Variants in CPQ observed in about 807,000 individuals in gnomAD.
The protein encoded by CPQ is Ser-Met dipeptidase.
A neutral mutation model predicts 45.7 loss-of-function variants in CPQ; 37 were observed. The observed-to-expected ratio is 0.81, with a 90% CI of 0.62 to 1.07. CPQ has a LOEUF of 1.07. Ranked by LOEUF, CPQ falls within the 50% of genes least tolerant of loss-of-function variation. The probability of loss-of-function intolerance (pLI) is 0.00; values close to 1 mark genes in which losing one functional copy is unlikely to be tolerated. For synonymous variants in CPQ, 186 were observed against 205.8 expected (o/e 0.90, Z 0.82); for missense variants, 537 against 572.9 (o/e 0.94, Z 0.64).
intron 1 of CPQ, among the ~76,000 whole-genome samples, chr8:96,701,126 T>C (rs762982313): frequency 2.6e-5 from 4 of 152,202 alleles, no homozygotes; most frequent in Middle Eastern, 3.2e-3. Context: ...ATATACAATA[T>C]AGTGGAAAGA....
At chr8:96,990,410 G>A (rs1245601316) in intron 5 of CPQ, among the ~76,000 whole-genome samples, 3 of 152,148 alleles carry the variant, frequency 2.0e-5, no homozygotes, top group Admixed American at 2.0e-4. Context: ...AATAACACCT[G>A]CTCTAAATCT....
chr8:96,742,425 A>G (rs150273131), intron 1 of CPQ, among the ~76,000 whole-genome samples: 5,013 of 152,170 alleles, frequency 0.033, 296 homozygotes, highest in African/African-American at 0.11. Flanking sequence ...TTGACTCTTT[A>G]TCCAATTTGC....
intron 6 of CPQ, among the ~76,000 whole-genome samples, chr8:97,046,606 G>C (rs943100815): frequency 6.6e-6 from 1 of 152,096 alleles, no homozygotes; most frequent in African/African-American, 2.4e-5. Context: ...TTGCTTTTAT[G>C]GATTCCTATA....
At chr8:96,878,962 G>A (rs1812184088) in intron 3 of CPQ, among the ~76,000 whole-genome samples, 1 of 152,204 alleles carries the variant, frequency 6.6e-6, no homozygotes, top group Non-Finnish European at 1.5e-5. Context: ...CTGTGGTGTG[G>A]GAGGGTTAGG....
intron 7 of CPQ, among the ~76,000 whole-genome samples, chr8:97,131,899 C>G (rs563130866): frequency 6.6e-6 from 1 of 152,094 alleles, no homozygotes; most frequent in East Asian, 1.9e-4. Flanking sequence ...AGAGAAACAC[C>G]TGTTGCTTCT....
chr8:97,024,711 C>T (rs1809768620), intron 5 of CPQ, among the ~76,000 whole-genome samples: 1 of 152,148 alleles, frequency 6.6e-6, no homozygotes, highest in South Asian at 2.1e-4. Flanking sequence ...GCTTTACTAC[C>T]TCTTGTCATT....
chr8:97,122,351 A>G (rs749928437), intron 7 of CPQ, among the ~76,000 whole-genome samples: 4 of 152,184 alleles, frequency 2.6e-5, no homozygotes, highest in Non-Finnish European at 4.4e-5. Flanking sequence ...AGAAAATGCA[A>G]TGTCTTGTAG....
chr8:96,977,590 A>G (rs1462101604), intron 5 of CPQ, among the ~76,000 whole-genome samples: 1 of 152,212 alleles, frequency 6.6e-6, no homozygotes, highest in Non-Finnish European at 1.5e-5. Flanking sequence ...AAGCAGCCCA[A>G]ATGACCATCA....
intron 5 of CPQ, among the ~76,000 whole-genome samples, chr8:97,028,672 A>G (rs1031040297): frequency 6.6e-6 from 1 of 152,316 alleles, no homozygotes; most frequent in African/African-American, 2.4e-5. Context: ...TGACATTGTC[A>G]GCCAAAAATG....
At chr8:96,953,768 T>C (rs1186149216) in intron 4 of CPQ, among the ~76,000 whole-genome samples, 1 of 152,144 alleles carries the variant, frequency 6.6e-6, no homozygotes, top group East Asian at 1.9e-4. Context: ...TAGCTCAATA[T>C]GCTTGTGGCC....
chr8:96,878,464 A>T (rs575253613), intron 3 of CPQ, among the ~76,000 whole-genome samples: 1 of 152,328 alleles, frequency 6.6e-6, no homozygotes, highest in South Asian at 2.1e-4. Context: ...ACTCTATGAA[A>T]TGGTATTATT....
chr8:96,807,575 C>T (rs1418704674), intron 2 of CPQ, among the ~76,000 whole-genome samples: 1 of 152,158 alleles, frequency 6.6e-6, no homozygotes, highest in Admixed American at 6.5e-5. Flanking sequence ...TCATGACAGC[C>T]GGTGATATAG....
intron 6 of CPQ, among the ~76,000 whole-genome samples, chr8:97,057,972 C>T (rs1352411221): frequency 6.6e-6 from 1 of 152,084 alleles, no homozygotes; most frequent in Non-Finnish European, 1.5e-5. Flanking sequence ...GGTTTCAAAC[C>T]TGCTAATTTT....
At chr8:96,811,942 G>A (rs1348604684) in intron 2 of CPQ, among the ~76,000 whole-genome samples, 1 of 152,086 alleles carries the variant, frequency 6.6e-6, no homozygotes, top group Non-Finnish European at 1.5e-5. Context: ...TAAACCAAAT[G>A]TTTGTTTATG....
chr8:97,038,091 G>T (rs1343079282), intron 6 of CPQ, among the ~76,000 whole-genome samples: 37 of 152,178 alleles, frequency 2.4e-4, no homozygotes, highest in Admixed American at 2.4e-3. Flanking sequence ...AATGCCTTAT[G>T]GTTTCAGATT....
At position 96,714,148 on chromosome 8, in the gene CPQ, G is replaced by T. The variant is rs373376835; in HGVS notation, c.-35+68746G>T. On this transcript the variant is annotated intron_variant, in intron 1 of 7. Transcript: ENST00000220763. ...CCTTTTTTCAGTGACTCTCTTAGGA[G>T]TTCTTTGAGATTCTTGTATTTGGAT... Among the ~76,000 whole-genome samples the T allele has an allele frequency of 7.9e-5, 12 of 152,260 alleles. No individual in the cohort carries two copies. The East Asian group carries it at 2.3e-3, about 29-fold the overall frequency.
chr8:97,065,167 G>A (rs1810616230), intron 6 of CPQ, among the ~76,000 whole-genome samples: 1 of 152,108 alleles, frequency 6.6e-6, no homozygotes, highest in Non-Finnish European at 1.5e-5. Context: ...TGAAGATGTG[G>A]TTGGCTCCTG....
intron 1 of CPQ, among the ~76,000 whole-genome samples, chr8:96,731,847 C>T (rs554064314): frequency 1.3e-5 from 2 of 151,844 alleles, no homozygotes; most frequent in Admixed American, 1.3e-4. Flanking sequence ...ACATATTCTT[C>T]CCTATTTTTT....
At chr8:96,856,511 C>A (rs1021186514) in intron 3 of CPQ, among the ~76,000 whole-genome samples, 22 of 152,230 alleles carry the variant, frequency 1.4e-4, no homozygotes, top group African/African-American at 5.3e-4. Flanking sequence ...CCTCATCAGG[C>A]TGTAGGTACA....
Sources: allele counts gnomAD v4.1 joint callset (sites outside exome capture counted in the v4.1 genomes callset), GRCh38; gene constraint gnomAD v4.1.1; transcripts MANE v1.5; gene names NCBI Gene and HGNC (gene_info 2026-07-23, HGNC 2026-07-21).